Variants in PPP1R13B observed in about 807,000 individuals in gnomAD.
PPP1R13B encodes protein phosphatase 1 regulatory subunit 13B.
Under a neutral mutation model 119.8 loss-of-function variants are expected in PPP1R13B, and 44 were observed. The ratio of observed to expected loss-of-function variants is 0.37; its 90% CI spans 0.29 to 0.47. PPP1R13B has a LOEUF of 0.47. Among genes scored for constraint, PPP1R13B ranks in the 20% least tolerant of loss-of-function variants. PPP1R13B has a pLI of 0.99. For missense variants in PPP1R13B, 1,227 were observed against 1,413.5 expected, an observed-to-expected ratio of 0.87 and a Z score of 2.12; for synonymous variants, 542 against 561.5, an observed-to-expected ratio of 0.97 and a Z score of 0.49.
rs572785165 is a variant in PPP1R13B at position 103,756,183 on chromosome 14, C to T, written c.456+1467G>A. On this transcript the variant is annotated intron_variant, in intron 5 of 16. Coordinates refer to ENST00000202556, the MANE Select transcript of PPP1R13B (RefSeq NM_015316.3). ...GATCTCAGCTCACTGCAACCTCCACCGCCGGCTTCAAGAGATTCTCCTGCT... is the reference window on the plus strand; with the variant it reads ...GATCTCAGCTCACTGCAACCTCCACTGCCGGCTTCAAGAGATTCTCCTGCT... Among the ~76,000 whole-genome samples the T allele has an allele frequency of 2.0e-5, 3 of 152,160 alleles. No homozygotes were observed. The South Asian group carries it at 6.2e-4, about 32-fold the overall frequency.
At chr14:103,834,545 CAGAA>C (rs914420665) in intron 1 of PPP1R13B, among the ~76,000 whole-genome samples, 1 of 145,026 alleles carries the variant, frequency 6.9e-6, no homozygotes, top group African/African-American at 2.5e-5. Flanking sequence ...GTCTGGAAAA[CAGAA>C]AGCACTGCAC....
Position 103,784,789 on chromosome 14 carries a change from A to G in PPP1R13B, c.277+6T>C. The G allele has an allele frequency of 6.3e-7, 1 of 1,579,388 alleles. No individual in the cohort carries two copies. ...TTAACAAATGAGGAAGAAAGCAGTTATCTACCTTGTTCACTGTTCTCAGTT... is the reference window on the plus strand; with the variant it reads ...TTAACAAATGAGGAAGAAAGCAGTTGTCTACCTTGTTCACTGTTCTCAGTT... On this transcript the variant is annotated splice_donor_region_variant and intron_variant, in intron 3 of 16. Coordinates refer to ENST00000202556, the MANE Select transcript of PPP1R13B (RefSeq NM_015316.3).
intron 1 of PPP1R13B, among the ~76,000 whole-genome samples, chr14:103,802,200 T>C (rs2085915881): frequency 6.6e-6 from 1 of 152,116 alleles, no homozygotes; most frequent in African/African-American, 2.4e-5. Flanking sequence ...TCTAGTAATA[T>C]CGGGAGGCTG....
chr14:103,840,300 C>T (rs564311852), intron 1 of PPP1R13B, among the ~76,000 whole-genome samples: 62 of 152,302 alleles, frequency 4.1e-4, no homozygotes, highest in African/African-American at 1.4e-3. Flanking sequence ...CACATACAAA[C>T]GCATGTTGAC....
chr14:103,759,471 T>C (rs768209417), intron 4 of PPP1R13B, among the ~76,000 whole-genome samples: 3 of 151,808 alleles, frequency 2.0e-5, no homozygotes, highest in Non-Finnish European at 2.9e-5. Context: ...GCCTGGCTGA[T>C]TTTTAAAATT....
At chr14:103,764,472 T>C in intron 4 of PPP1R13B, 1 of 351,166 alleles carries the variant, frequency 2.8e-6, no homozygotes, top group Non-Finnish European at 5.7e-6. Flanking sequence ...TTATCCCAGA[T>C]ATGAGTCCTT....
intron 3 of PPP1R13B, 94 bp from the exon 4 acceptor site, chr14:103,778,915 C>G: frequency 1.0e-6 from 1 of 984,668 alleles, no homozygotes; most frequent in South Asian, 1.4e-5. Flanking sequence ...TTATTGAACA[C>G]AAGTGTAAAA....
intron 4 of PPP1R13B, chr14:103,764,451 G>GT (rs1383579310): frequency 8.6e-6 from 3 of 348,626 alleles, no homozygotes; most frequent in Admixed American, 7.6e-5. Flanking sequence ...TTGTTGAATT[G>GT]TAACAGTATG....
chr14:103,763,681 C>A (rs2084868588), intron 4 of PPP1R13B, among the ~76,000 whole-genome samples: 1 of 152,172 alleles, frequency 6.6e-6, no homozygotes, highest in South Asian at 2.1e-4. Context: ...AAAATTCACC[C>A]ATTGTAACTG....
intron 1 of PPP1R13B, among the ~76,000 whole-genome samples, chr14:103,835,247 T>C (rs2152081268): frequency 6.6e-6 from 1 of 151,918 alleles, no homozygotes; most frequent in East Asian, 1.9e-4. Context: ...CTTGGCCTCC[T>C]GAGTAGCTGG....
At chr14:103,762,292 A>T (rs997324683) in intron 4 of PPP1R13B, among the ~76,000 whole-genome samples, 3 of 152,208 alleles carry the variant, frequency 2.0e-5, no homozygotes, top group African/African-American at 7.2e-5. Flanking sequence ...AAATCAGTTA[A>T]TAGAAAAGAC....
intron 15 of PPP1R13B, 53 bp downstream of exon 15, chr14:103,737,641 T>C (rs1332575079): frequency 3.2e-6 from 5 of 1,577,586 alleles, no homozygotes; most frequent in East Asian, 2.3e-5. Context: ...ACTGTTGCCA[T>C]GGCAGTACCA....
intron 4 of PPP1R13B, 136 bp from the exon 5 acceptor site, chr14:103,757,887 G>A (rs566236871): frequency 5.3e-6 from 3 of 570,006 alleles, no homozygotes; most frequent in African/African-American, 3.9e-5. Flanking sequence ...TTATTTTCTT[G>A]TAAGAACTTT....
intron 2 of PPP1R13B, among the ~76,000 whole-genome samples, chr14:103,792,504 C>T (rs2085648063): frequency 6.6e-6 from 1 of 152,074 alleles, no homozygotes; most frequent in South Asian, 2.1e-4. Flanking sequence ...TTCAAGAAAG[C>T]TTCGCTATAT....
At chr14:103,787,203 C>A (rs2085487175) in intron 2 of PPP1R13B, among the ~76,000 whole-genome samples, 1 of 151,846 alleles carries the variant, frequency 6.6e-6, no homozygotes, top group Non-Finnish European at 1.5e-5. Context: ...AATCCCAACA[C>A]TTTGGGAGGC....
chr14:103,812,370 C>T (rs565133160), intron 1 of PPP1R13B, among the ~76,000 whole-genome samples: 16 of 151,718 alleles, frequency 1.1e-4, no homozygotes, highest in Non-Finnish European at 1.5e-4. Flanking sequence ...GTGATCCGCC[C>T]ACCTCGGCCT....
Position 103,787,763 on chromosome 14 carries a change from C to A in PPP1R13B, c.158-2849G>T, listed in dbSNP as rs184846175. On this transcript the variant is annotated intron_variant, in intron 2 of 16. Coordinates refer to ENST00000202556, the MANE Select transcript of PPP1R13B (RefSeq NM_015316.3). ...CACCTCCCGGGTTTTACGCCATTCT[C>A]CTGCCTCAGCCTCCCGAATAGCTGG... Among the ~76,000 whole-genome samples, 6 of 151,202 alleles carry A rather than the reference C, an allele frequency of 4.0e-5. No individual in the cohort carries two copies. The East Asian group carries it at 1.2e-3, about 30-fold the overall frequency.
intron 3 of PPP1R13B, among the ~76,000 whole-genome samples, chr14:103,781,319 G>A (rs998890948): frequency 6.6e-6 from 1 of 152,194 alleles, no homozygotes; most frequent in Admixed American, 6.5e-5. Flanking sequence ...CTCCTCTTCA[G>A]GTGGATGTTC....
At position 103,740,056 on chromosome 14, in the gene PPP1R13B, G is replaced by C; in HGVS notation, c.2360C>G (p.Pro787Arg). 1 of 1,614,006 alleles carries C rather than the reference G, an allele frequency of 6.2e-7. No individual in the cohort carries two copies. Among genetic ancestry groups the C allele is most frequent in the Non-Finnish European group, 8.5e-7 (1 of 1,179,972 alleles). Residue 787 changes from proline to arginine, a missense_variant, in exon 12 of 17, where the codon CCG (proline) becomes CGG (arginine). By Grantham distance (103) the Pro-to-Arg change is moderately radical (BLOSUM62 -2). Coordinates refer to ENST00000202556, the MANE Select transcript of PPP1R13B (RefSeq NM_015316.3). This position sits in a 1 kb window ranked among gnomAD's most constrained non-coding sequence, Gnocchi z 4.6. ...PTAPLPAEPAPSSDANDNELP... is the reference protein window; with the variant it reads ...PTAPLPAEPARSSDANDNELP... The stretch of plus-strand genomic sequence containing the variant: ...CTCATTATCATTGGCATCTGATGAC[G>C]GGGCAGGCTCAGCGGGGAGTGGGGC...
Sources: allele counts gnomAD v4.1 joint callset (sites outside exome capture counted in the v4.1 genomes callset), GRCh38; gene constraint gnomAD v4.1.1; non-coding constraint Gnocchi (gnomAD v3.1); transcripts MANE v1.5; gene names NCBI Gene and HGNC (gene_info 2026-07-23, HGNC 2026-07-21).